RGL1: variants seen among roughly 807,000 people sequenced by gnomAD.
RGL1 encodes ral guanine nucleotide dissociation stimulator-like 1.
A neutral mutation model predicts 95.2 loss-of-function variants in RGL1; 24 were observed. The ratio of observed to expected loss-of-function variants is 0.25; its 90% CI spans 0.18 to 0.35. The LOEUF is 0.35. Among genes scored for constraint, RGL1 ranks in the 10% least tolerant of loss-of-function variants. The pLI is 1.00. For synonymous variants in RGL1, 329 were observed against 344.9 expected, an observed-to-expected ratio of 0.95 and a Z score of 0.51; for missense variants, 715 against 936.3, an observed-to-expected ratio of 0.76 and a Z score of 3.08.
At chr1:183,921,774 T>G (rs758714163) in intron 16 of RGL1, among the ~76,000 whole-genome samples, 7 of 152,200 alleles carry the variant, frequency 4.6e-5, no homozygotes, top group Non-Finnish European at 1.0e-4. Flanking sequence ...GGGTCACCTG[T>G]ACTTTTTGAA....
intron 2 of RGL1, among the ~76,000 whole-genome samples, chr1:183,821,450 A>T (rs1473429178): frequency 2.0e-5 from 3 of 152,172 alleles, no homozygotes; most frequent in Non-Finnish European, 4.4e-5. Context: ...TTTTCTTTTT[A>T]CTATGAATCA....
intron 1 of RGL1, among the ~76,000 whole-genome samples, chr1:183,657,478 C>T (rs2102014834): frequency 6.6e-6 from 1 of 152,212 alleles, no homozygotes; most frequent in East Asian, 1.9e-4. Flanking sequence ...GTGTGATGTT[C>T]CCCTTCCTGT....
intron 2 of RGL1, among the ~76,000 whole-genome samples, chr1:183,838,293 C>G (rs572334725): frequency 6.6e-5 from 10 of 152,248 alleles, no homozygotes; most frequent in South Asian, 4.1e-4. Flanking sequence ...GAGTACTACT[C>G]TTTTTCAGGA....
chr1:183,833,446 G>A (rs1178574548), intron 2 of RGL1, among the ~76,000 whole-genome samples: 1 of 152,190 alleles, frequency 6.6e-6, no homozygotes, highest in Admixed American at 6.5e-5. Context: ...CCTAGCCCTT[G>A]TTCTGGGTCT....
chr1:183,908,911 A>T (rs1278948504), intron 14 of RGL1, among the ~76,000 whole-genome samples: 1 of 151,928 alleles, frequency 6.6e-6, no homozygotes, highest in Non-Finnish European at 1.5e-5. Context: ...CAAGCCCGGG[A>T]TCTATATGTT....
chr1:183,897,105 C>T (rs1667746837), intron 9 of RGL1, among the ~76,000 whole-genome samples: 2 of 152,162 alleles, frequency 1.3e-5, no homozygotes, highest in South Asian at 2.1e-4. Context: ...CTGAGGAAGT[C>T]GATCTTTGTT....
At chr1:183,695,453 A>C (rs1395028526) in intron 1 of RGL1, among the ~76,000 whole-genome samples, 1 of 152,220 alleles carries the variant, frequency 6.6e-6, no homozygotes, top group Non-Finnish European at 1.5e-5. Context: ...CTACAGAAAA[A>C]GAAACCAGGT....
rs548591637 is a variant in RGL1, at chr1:183,673,505, C to T, written c.-33+37004C>T. On this transcript the variant is annotated intron_variant, in intron 1 of 18. Coordinates refer to the RGL1 transcript ENST00000304685. ...AGGCTTCATTGTTGATTCCGTATGT[C>T]TGTGAAATCCTGAACTTCTTGATTA... Among the ~76,000 whole-genome samples, 3 of 152,310 alleles carry T rather than the reference C, an allele frequency of 2.0e-5. No homozygotes were observed. In the South Asian group the frequency reaches 6.2e-4, roughly 32 times the overall value.
At chr1:183,875,089 T>A (rs1467877370) in intron 4 of RGL1, among the ~76,000 whole-genome samples, 3 of 152,256 alleles carry the variant, frequency 2.0e-5, no homozygotes, top group African/African-American at 7.2e-5. Flanking sequence ...TCTCAGAGAA[T>A]GTATTAAAAT....
chr1:183,871,150 G>A (rs185631694), intron 4 of RGL1, among the ~76,000 whole-genome samples: 2 of 152,330 alleles, frequency 1.3e-5, no homozygotes, highest in Admixed American at 6.5e-5. Flanking sequence ...ACAGCATAGT[G>A]GACTTTTGAG....
intron 2 of RGL1, among the ~76,000 whole-genome samples, chr1:183,747,182 T>C (rs1456981412): frequency 1.3e-5 from 2 of 152,176 alleles, no homozygotes; most frequent in African/African-American, 4.8e-5. Flanking sequence ...GTAATGGGAT[T>C]GCTGGGTCAA....
chr1:183,823,871 C>CA (rs1662666696), intron 2 of RGL1, among the ~76,000 whole-genome samples: 1 of 152,150 alleles, frequency 6.6e-6, no homozygotes, highest in Non-Finnish European at 1.5e-5. Context: ...ACTGCAGCCT[C>CA]AAACTTCTGG....
At chr1:183,867,152 T>C (rs1665888469) in intron 4 of RGL1, among the ~76,000 whole-genome samples, 1 of 152,244 alleles carries the variant, frequency 6.6e-6, no homozygotes, top group African/African-American at 2.4e-5. Context: ...AATGGAGGTA[T>C]AAATTTGGAT....
intron 4 of RGL1, among the ~76,000 whole-genome samples, chr1:183,877,862 G>C (rs1666596785): frequency 1.3e-5 from 2 of 152,284 alleles, no homozygotes; most frequent in Admixed American, 1.3e-4. Flanking sequence ...TAATGTGGAC[G>C]AAGGCTCCTC....
In RGL1 at chr1:183,848,504, T is replaced by C. The variant is rs1055811733; in HGVS notation, c.347+730T>C. Among the ~76,000 whole-genome samples, 2 of 152,188 alleles carry C rather than the reference T, an allele frequency of 1.3e-5. 1 individual carries two copies. Among genetic ancestry groups the C allele is most frequent in the Non-Finnish European group, 2.9e-5 (2 of 68,030 alleles). ...AGAATCCTCATCTAAATCCTTATATTCTGGGGTTTCCTGCATAAGGAAGGA... is the reference window on the plus strand; with the variant it reads ...AGAATCCTCATCTAAATCCTTATATCCTGGGGTTTCCTGCATAAGGAAGGA... On this transcript the variant is annotated intron_variant, in intron 3 of 17. Transcript: ENST00000360851.
chr1:183,659,948 A>G (rs1301188317), intron 1 of RGL1, among the ~76,000 whole-genome samples: 1 of 150,608 alleles, frequency 6.6e-6, no homozygotes, highest in Non-Finnish European at 1.5e-5. Context: ...CTTCATATCC[A>G]GCCAAACTAA....
intron 1 of RGL1, chr1:183,742,108 C>T (rs1274719700): frequency 6.2e-7 from 1 of 1,604,622 alleles, no homozygotes; most frequent in East Asian, 2.2e-5. Flanking sequence ...CTGGATCACA[C>T]TTTATTCTTC....
chr1:183,654,423 T>C (rs1038192486), intron 1 of RGL1, among the ~76,000 whole-genome samples: 1 of 152,240 alleles, frequency 6.6e-6, no homozygotes, highest in African/African-American at 2.4e-5. Context: ...TCATCTTTTA[T>C]TTAATCCTAA....
At chr1:183,717,536 C>T (rs1454600838) in intron 1 of RGL1, among the ~76,000 whole-genome samples, 1 of 152,080 alleles carries the variant, frequency 6.6e-6, no homozygotes, top group Non-Finnish European at 1.5e-5. Flanking sequence ...AACTTATAGC[C>T]TGATAGTGAC....
Sources: allele counts gnomAD v4.1 joint callset (sites outside exome capture counted in the v4.1 genomes callset), GRCh38; gene constraint gnomAD v4.1.1; transcripts MANE v1.5; gene names NCBI Gene and HGNC (gene_info 2026-07-23, HGNC 2026-07-21).